Variants in TACR3 observed in about 807,000 individuals in gnomAD.
The protein encoded by TACR3 is tachykinin receptor 3.
TACR3 carries 34 observed loss-of-function variants against 35.0 expected under a neutral mutation model. The observed-to-expected ratio is 0.97, with a 90% CI of 0.74 to 1.30. The LOEUF is 1.30. TACR3 is among the 50% of genes most tolerant of loss of function. The pLI is 0.00. For missense variants in TACR3, 558 were observed against 591.7 expected (o/e 0.94, Z 0.59); for synonymous variants, 233 against 221.1 (o/e 1.05, Z -0.48).
chr4:103,695,999 C>A (rs1323720945), intron 1 of TACR3, among the ~76,000 whole-genome samples: 1 of 151,730 alleles, frequency 6.6e-6, no homozygotes, highest in Non-Finnish European at 1.5e-5. Context: ...CCCTTTTTTT[C>A]TTTTCTATTC....
intron 3 of TACR3, among the ~76,000 whole-genome samples, chr4:103,604,316 C>T (rs62340647): frequency 0.15 from 22,748 of 152,138 alleles, 2,413 homozygotes; most frequent in Non-Finnish European, 0.22. Context: ...ATAAATGGTG[C>T]TGGGAAAACT....
At chr4:103,616,903 A>G (rs1560808334) in intron 3 of TACR3, among the ~76,000 whole-genome samples, 2 of 152,292 alleles carry the variant, frequency 1.3e-5, no homozygotes, top group South Asian at 2.1e-4. Context: ...AGCCATGATC[A>G]GGCCACTGCA....
intron 3 of TACR3, among the ~76,000 whole-genome samples, chr4:103,629,638 A>C (rs892883705): frequency 6.6e-6 from 1 of 152,148 alleles, no homozygotes; most frequent in African/African-American, 2.4e-5. Context: ...ATGAAATAAA[A>C]GAGTACACAA....
At chr4:103,684,199 A>T (rs1578256345) in intron 1 of TACR3, among the ~76,000 whole-genome samples, 2 of 152,276 alleles carry the variant, frequency 1.3e-5, no homozygotes, top group South Asian at 4.1e-4. Context: ...ACTTCTATTT[A>T]ACATTGTGCT....
chr4:103,650,533 A>ATATATTTATATATAAATATGTATTATT (rs1725568913), intron 3 of TACR3, among the ~76,000 whole-genome samples: 1 of 128,928 alleles, frequency 7.8e-6, no homozygotes, highest in Non-Finnish European at 1.6e-5. Context: ...TATTATTTAT[A>ATATATTTATATATAAATATGTATTATT]TATAAATATA....
chr4:103,644,687 A>AAACTT (rs1281410559), intron 3 of TACR3, among the ~76,000 whole-genome samples: 1 of 151,732 alleles, frequency 6.6e-6, no homozygotes, highest in Non-Finnish European at 1.5e-5. Flanking sequence ...TTTCCCTAGA[A>AAACTT]AACTTACTAT....
chr4:103,654,723 T>C (rs554349341), intron 3 of TACR3, among the ~76,000 whole-genome samples: 1 of 150,032 alleles, frequency 6.7e-6, no homozygotes, highest in Non-Finnish European at 1.5e-5. Context: ...AAAAAAGAAA[T>C]AAATGACAGA....
chr4:103,599,243 T>G (rs559449994), intron 3 of TACR3, among the ~76,000 whole-genome samples: 3 of 152,038 alleles, frequency 2.0e-5, no homozygotes, highest in Non-Finnish European at 4.4e-5. Context: ...ACTCATGATT[T>G]GGCTCTCTGT....
chr4:103,668,520 T>G (rs1725979734), intron 1 of TACR3, among the ~76,000 whole-genome samples: 1 of 152,150 alleles, frequency 6.6e-6, no homozygotes, highest in Admixed American at 6.5e-5. Context: ...ACTTTTTAAA[T>G]TTTATTTCAA....
chr4:103,621,151 TGAA>T (rs1724769819), intron 3 of TACR3, among the ~76,000 whole-genome samples: 2 of 152,342 alleles, frequency 1.3e-5, no homozygotes, highest in South Asian at 4.1e-4. Flanking sequence ...GTGGAGATAT[TGAA>T]GAGTCCTTCT....
At chr4:103,635,715 G>T (rs1023655033) in intron 3 of TACR3, among the ~76,000 whole-genome samples, 3 of 151,994 alleles carry the variant, frequency 2.0e-5, no homozygotes, top group Admixed American at 6.6e-5. Context: ...CACATTAGAT[G>T]TTGAGTAAAT....
chr4:103,718,576 G>A (rs1179337986), intron 1 of TACR3, among the ~76,000 whole-genome samples: 1 of 152,110 alleles, frequency 6.6e-6, no homozygotes, highest in Non-Finnish European at 1.5e-5. Context: ...GAGTGTGTGT[G>A]GTCTTTGCTA....
rs138909478 is a variant in TACR3 at position 103,700,552 on chromosome 4, A to C, written c.548+18576T>G. ...TGTAGCCTTCAGGCAGGCTTCTATT[A>C]CTCCAAACAGGTGATGTCTCCTTAT... is the stretch of plus-strand genomic sequence containing the variant. On this transcript the variant is annotated intron_variant, in intron 1 of 4. Transcript: ENST00000304883. 1.3e-3 allele frequency among the ~76,000 whole-genome samples: 201 copies of C among 152,240 alleles called. 1 individual carries two copies. Among genetic ancestry groups the C allele is most frequent in the Middle Eastern group, 0.01 (3 of 292 alleles).
At chr4:103,603,607 A>G (rs1175662055) in intron 3 of TACR3, among the ~76,000 whole-genome samples, 1 of 152,160 alleles carries the variant, frequency 6.6e-6, no homozygotes, top group Non-Finnish European at 1.5e-5. Flanking sequence ...AGACTTTGCT[A>G]TTGTGAACAG....
chr4:103,693,837 AATG>A (rs1051105606), intron 1 of TACR3, among the ~76,000 whole-genome samples: 1 of 152,040 alleles, frequency 6.6e-6, no homozygotes, highest in African/African-American at 2.4e-5. Flanking sequence ...TGAAGACCTT[AATG>A]ATAATATTTT....
intron 1 of TACR3, among the ~76,000 whole-genome samples, chr4:103,675,163 T>C (rs1338452156): frequency 6.6e-6 from 1 of 152,206 alleles, no homozygotes; most frequent in Non-Finnish European, 1.5e-5. Context: ...ATTTCTGACA[T>C]CACCAAATCT....
intron 2 of TACR3, among the ~76,000 whole-genome samples, chr4:103,657,204 T>G (rs1351081885): frequency 6.9e-6 from 1 of 144,380 alleles, no homozygotes; most frequent in Non-Finnish European, 1.5e-5. Flanking sequence ...TAGAACGGTC[T>G]TCTCCATACC....
At chr4:103,659,605 C>T (rs1025571168) in intron 1 of TACR3, among the ~76,000 whole-genome samples, 7 of 152,122 alleles carry the variant, frequency 4.6e-5, no homozygotes, top group Non-Finnish European at 8.8e-5. Context: ...GCCTCATGAA[C>T]ATCTTCATGG....
intron 1 of TACR3, among the ~76,000 whole-genome samples, chr4:103,690,123 T>C (rs1722367711): frequency 6.6e-6 from 1 of 152,132 alleles, no homozygotes; most frequent in African/African-American, 2.4e-5. Flanking sequence ...TGAAATAAAT[T>C]GCAAGACAAA....
Sources: gnomAD v4.1 joint callset for allele counts (sites outside exome capture counted in the v4.1 genomes callset) on GRCh38, gnomAD v4.1.1 for gene constraint, MANE v1.5 for transcripts, NCBI Gene and HGNC (gene_info 2026-07-23, HGNC 2026-07-21) for gene names.